The following TBCD variants were observed in gnomAD, a reference collection of about 807,000 sequenced individuals.
TBCD encodes tubulin folding cofactor D.
Under a neutral mutation model 169.3 loss-of-function variants are expected in TBCD, and 105 were observed. The observed-to-expected ratio is 0.62, with a 90% CI of 0.53 to 0.73. The LOEUF is 0.73. Ranked by LOEUF, TBCD falls within the 30% of genes least tolerant of loss-of-function variation. The pLI is 0.00. For missense variants in TBCD, 1,444 were observed against 1,600.1 expected (o/e 0.90, Z 1.66); for synonymous variants, 700 against 643.9 (o/e 1.09, Z -1.32).
intron 7 of TBCD, among the ~76,000 whole-genome samples, chr17:82,793,950 G>A (rs931979555): frequency 2.0e-5 from 3 of 152,228 alleles, no homozygotes; most frequent in Non-Finnish European, 2.9e-5. Context: ...TGCAGAGTCG[G>A]CATGGTTATG....
rs1388523613 is a variant in TBCD at position 82,903,849 on chromosome 17, C to T, written c.1804+371C>T. Among the ~76,000 whole-genome samples, 18 of 15,556 alleles carry T rather than the reference C, an allele frequency of 1.2e-3. No individual in the cohort carries two copies. The highest frequency in any genetic ancestry group is 1.8e-3 in the African/African-American group (5 of 2,850). 10.2% of individuals were successfully genotyped at this position (15,556 alleles called of 152,430 possible). ...GACACTCCCTGGTCTCTAGGTGGCT[C>T]GCACCTGCCACACGACACTCCCTGG... is the stretch of plus-strand genomic sequence containing the variant. On this transcript the variant is annotated intron_variant, in intron 19 of 38. Transcript: ENST00000355528. The surrounding 1 kb of genome is among the most constrained non-coding windows in gnomAD (Gnocchi z 4.8).
intron 6 of TBCD, among the ~76,000 whole-genome samples, chr17:82,774,683 C>A (rs1041540541): frequency 2.8e-4 from 42 of 152,090 alleles, no homozygotes; most frequent in Non-Finnish European, 5.1e-4. Context: ...GGGCTGCCCC[C>A]CACCCGAGTG....
At position 82,752,073 on chromosome 17, in the gene TBCD, C is replaced by T. The variant is rs1568079187; in HGVS notation, c.-121C>T. ...GGAGGTCGCGGGGCGGGGCCAGCGT[C>T]GGTTGCCGCCTTAGCGGGCGCCTCC... is the stretch of plus-strand genomic sequence containing the variant. On this transcript the variant is annotated 5_prime_UTR_variant, in exon 1 of 39. Transcript: ENST00000355528. The T allele has an allele frequency of 2.5e-5, 30 of 1,179,480 alleles. No homozygotes were observed. The highest frequency in any genetic ancestry group is 3.2e-5 in the Non-Finnish European group (29 of 896,652). 73.1% of individuals were successfully genotyped at this position (1,179,480 alleles called of 1,614,324 possible).
chr17:82,843,080 G>T (rs535112521), intron 13 of TBCD, among the ~76,000 whole-genome samples: 3 of 152,026 alleles, frequency 2.0e-5, no homozygotes, highest in African/African-American at 7.2e-5. Flanking sequence ...ACACCCGGCC[G>T]CAAGTGTTCT....
chr17:82,839,079 C>G (rs551890495), intron 13 of TBCD: 1 of 735,988 alleles, frequency 1.4e-6, no homozygotes, highest in South Asian at 6.1e-5. Context: ...AACTTAACCC[C>G]TTTGGTTTGG....
chr17:82,843,607 A>T (rs7220929), intron 13 of TBCD, among the ~76,000 whole-genome samples: 15 of 124,996 alleles, frequency 1.2e-4, no homozygotes, highest in South Asian at 2.7e-4. Flanking sequence ...CGTCCAGCTT[A>T]CTTACCCTTC....
chr17:82,934,080 G>A (rs944618782), intron 34 of TBCD, among the ~76,000 whole-genome samples: 12 of 152,222 alleles, frequency 7.9e-5, no homozygotes, highest in African/African-American at 2.4e-4. Context: ...CTTGGACAGC[G>A]TCCTCGTACT....
chr17:82,889,595 T>G lies in TBCD; in HGVS notation c.1534-73T>G. ...CGTGGGTCATTCACGTTGTGCTGTT[T>G]GTTCTGAACTTGCCTCTGGTGTTGG... is the stretch of plus-strand genomic sequence containing the variant. On this transcript the variant is annotated intron_variant, in intron 15 of 38. Transcript: ENST00000355528. The surrounding 1 kb of genome is among the most constrained non-coding windows in gnomAD (Gnocchi z 5.3). The G allele has an allele frequency of 6.3e-7, 1 of 1,586,262 alleles. No homozygotes were observed. The highest frequency in any genetic ancestry group is 1.1e-5 in the South Asian group (1 of 90,084).
Position 82,766,334 on chromosome 17 carries a change from A to G in TBCD, c.401A>G (p.Asp134Gly). The change falls in exon 4 of 39, where the codon GAT (aspartate) becomes GGT (glycine). Residue 134 changes from aspartate (D) to glycine (G), a missense_variant. Transcript: ENST00000355528. ...GTTGCCGATGTAGAGCCTGTTTTAG[A>G]TTTGGTCACAATTCAGAATCCCAAG... ...HEVADVEPVL[D>G]LVTIQNPKDH... 1.9e-6 allele frequency: 3 copies of G among 1,613,096 alleles called. No homozygotes were observed. Among genetic ancestry groups the G allele is most frequent in the Non-Finnish European group, 2.5e-6 (3 of 1,179,624 alleles).
intron 2 of TBCD, among the ~76,000 whole-genome samples, chr17:82,758,400 A>AATAAAAAAAAAT (rs1555672641): frequency 6.0e-5 from 6 of 100,030 alleles, no homozygotes; most frequent in Admixed American, 4.2e-4. Context: ...AAAAAAAAAA[A>AATAAAAAAAAAT]AAATAAATAA....
intron 6 of TBCD, among the ~76,000 whole-genome samples, chr17:82,780,040 C>T (rs980771615): frequency 2.0e-4 from 31 of 152,292 alleles, no homozygotes; most frequent in African/African-American, 7.2e-4. Context: ...TCAGACCTGC[C>T]GGCATGGCCT....
chr17:82,792,989 T>A (rs1489225414), intron 7 of TBCD, among the ~76,000 whole-genome samples: 1 of 152,082 alleles, frequency 6.6e-6, no homozygotes, highest in East Asian at 1.9e-4. Context: ...TCTGGGACTC[T>A]TAGGCTCAAG....
intron 9 of TBCD, among the ~76,000 whole-genome samples, chr17:82,803,713 C>T (rs530271979): frequency 2.0e-5 from 3 of 152,292 alleles, no homozygotes; most frequent in South Asian, 2.1e-4. Flanking sequence ...TTAAGTCTTC[C>T]GTCCGAGTCT....
At chr17:82,910,260 C>T (rs2060532481) in intron 22 of TBCD, among the ~76,000 whole-genome samples, 1 of 152,168 alleles carries the variant, frequency 6.6e-6, no homozygotes, top group Non-Finnish European at 1.5e-5. Flanking sequence ...CACAAGTGAC[C>T]CCTTGGTGTG....
At chr17:82,926,543 G>T in intron 28 of TBCD, 52 bp downstream of exon 28, 1 of 1,488,264 alleles carries the variant, frequency 6.7e-7, no homozygotes, top group African/African-American at 1.4e-5. Context: ...AAGGCCAGCA[G>T]ATGAACGCTA....
intron 9 of TBCD, among the ~76,000 whole-genome samples, chr17:82,803,429 C>T (rs975633363): frequency 6.6e-6 from 1 of 152,222 alleles, no homozygotes; most frequent in Non-Finnish European, 1.5e-5. Context: ...TGAGTCTCGC[C>T]TTGTGCTTCC....
chr17:82,878,910 T>A (rs1451771976), intron 14 of TBCD, among the ~76,000 whole-genome samples: 2 of 152,182 alleles, frequency 1.3e-5, no homozygotes, highest in Admixed American at 1.3e-4. Flanking sequence ...TGGGTGCTCA[T>A]CCTGTTTGGG....
chr17:82,892,083 T>C (rs1037606177), intron 16 of TBCD, among the ~76,000 whole-genome samples: 41 of 151,888 alleles, frequency 2.7e-4, no homozygotes, highest in African/African-American at 9.5e-4. Context: ...TGAGCCCGCT[T>C]TTGTCTGCTC....
chr17:82,784,174 G>C (rs1399354413), intron 7 of TBCD, among the ~76,000 whole-genome samples: 1 of 151,846 alleles, frequency 6.6e-6, no homozygotes, highest in Admixed American at 6.6e-5. Flanking sequence ...AGTACCCTTG[G>C]GTACACAACA....
Sources: gnomAD v4.1 joint callset for allele counts (sites outside exome capture counted in the v4.1 genomes callset) on GRCh38, gnomAD v4.1.1 for gene constraint, Gnocchi (gnomAD v3.1) non-coding constraint, MANE v1.5 for transcripts, NCBI Gene and HGNC (gene_info 2026-07-23, HGNC 2026-07-21) for gene names.